The following ZNF248 variants were observed in gnomAD, a reference collection of about 807,000 sequenced individuals.
ZNF248 encodes zinc finger protein 248.
Under a neutral mutation model 44.3 loss-of-function variants are expected in ZNF248, and 20 were observed. The ratio of observed to expected loss-of-function variants is 0.45; its 90% confidence interval spans 0.32 to 0.66. The LOEUF is 0.66. ZNF248 is among the 30% of genes least tolerant of loss of function. The pLI is 0.04. For missense variants in ZNF248, 654 were observed against 677.0 expected (o/e 0.97, Z 0.38); for synonymous variants, 224 against 229.0 (o/e 0.98, Z 0.20).
intron 6 of ZNF248, among the ~76,000 whole-genome samples, chr10:37,801,284 G>A (rs1028330969): frequency 4.0e-5 from 6 of 151,842 alleles, no homozygotes; most frequent in African/African-American, 1.4e-4. Flanking sequence ...GCTGAGGCAC[G>A]AGAATCCCTT....
intron 6 of ZNF248, among the ~76,000 whole-genome samples, chr10:37,813,751 C>A (rs1453261327): frequency 1.3e-5 from 2 of 152,082 alleles, no homozygotes; most frequent in South Asian, 2.1e-4. Context: ...AAGTTATGTG[C>A]GTGTGCATGT....
intron 6 of ZNF248, among the ~76,000 whole-genome samples, chr10:37,777,843 T>C (rs2046776513): frequency 6.6e-6 from 1 of 152,132 alleles, no homozygotes; most frequent in South Asian, 2.1e-4. Context: ...ATTTCATCCA[T>C]TTCCCTACAA....
chr10:37,798,932 A>G (rs1292580555), intron 6 of ZNF248, among the ~76,000 whole-genome samples: 3 of 152,148 alleles, frequency 2.0e-5, no homozygotes, highest in Non-Finnish European at 4.4e-5. Context: ...AAAATAAATC[A>G]TCACAGTTTG....
intron 4 of ZNF248, 71 bp from the exon 5 acceptor site, chr10:37,837,783 GA>G: frequency 6.9e-7 from 1 of 1,448,886 alleles, no homozygotes. Flanking sequence ...ACATCATGGG[GA>G]AGAAAGGCAC....
At chr10:37,823,794 G>T (rs1280445391), downstream of ZNF248, among the ~76,000 whole-genome samples, 1 of 151,978 alleles carries the variant, frequency 6.6e-6, no homozygotes. Flanking sequence ...GGCTGGTCTT[G>T]AACTCCTGAC....
At chr10:37,796,521 T>C (rs2133149894) in intron 6 of ZNF248, among the ~76,000 whole-genome samples, 1 of 152,164 alleles carries the variant, frequency 6.6e-6, no homozygotes, top group African/African-American at 2.4e-5. Context: ...ACCTGGCAAA[T>C]CTTTAATACT....
In ZNF248 at chr10:37,832,683, A is replaced by G. The variant is rs375295764; in HGVS notation, c.672T>C (p.His224=). Residue 224 remains histidine (H), a synonymous_variant, in exon 6 of 6, where the codon CAT becomes CAC. Coordinates refer to ENST00000395867, the MANE Select transcript of ZNF248 (RefSeq NM_021045.3). ...FEYSKNGQGF[H]DEAAFFTNKR... ...TATTTGTAAAAAATGCTGCCTCATC[A>G]TGGAAGCCTTGTCCATTTTTACTAT... 92 of 1,613,350 alleles carry G rather than the reference A, an allele frequency of 5.7e-5. No homozygotes were observed. Among genetic ancestry groups the G allele is most frequent in the Non-Finnish European group, 7.4e-5 (87 of 1,179,884 alleles).
chr10:37,804,438 T>G (rs1372729694), intron 6 of ZNF248, among the ~76,000 whole-genome samples: 1 of 151,862 alleles, frequency 6.6e-6, no homozygotes, highest in Non-Finnish European at 1.5e-5. Flanking sequence ...ATGTATTTAT[T>G]TATTTCTTTA....
At chr10:37,779,688 TA>T (rs1453315273) in intron 6 of ZNF248, among the ~76,000 whole-genome samples, 2 of 151,636 alleles carry the variant, frequency 1.3e-5, no homozygotes, top group African/African-American at 4.9e-5. Flanking sequence ...GAGAAGAAAA[TA>T]AAGGGTATTC....
intron 3 of ZNF248, among the ~76,000 whole-genome samples, chr10:37,845,707 A>G (rs2134435710): frequency 6.6e-6 from 1 of 152,120 alleles, no homozygotes; most frequent in South Asian, 2.1e-4. Flanking sequence ...AACTATGAAA[A>G]GGCAGGAAGG....
chr10:37,766,347 G>A, the ZNF248 span, among the ~76,000 whole-genome samples: 7 of 152,212 alleles, frequency 4.6e-5, no homozygotes, highest in Non-Finnish European at 1.0e-4. Flanking sequence ...ATCTAACTGG[G>A]AGGCACCCTC....
chr10:37,828,700 A>G, downstream of ZNF248: 1 of 985,444 alleles, frequency 1.0e-6, no homozygotes, highest in South Asian at 4.7e-5. Flanking sequence ...GTCATAACAC[A>G]TATTTAAGTA....
the ZNF248 span, among the ~76,000 whole-genome samples, chr10:37,764,097 C>A: frequency 6.6e-6 from 1 of 152,184 alleles, no homozygotes; most frequent in Non-Finnish European, 1.5e-5. Context: ...GGAACAGAGC[C>A]ATATTTCTCT....
At chr10:37,775,528 T>C (rs941406595), downstream of ZNF248, 1 of 152,166 alleles carries the variant, frequency 6.6e-6, no homozygotes, top group Non-Finnish European at 1.5e-5. Flanking sequence ...AAAGTTTCTT[T>C]GGCCCTTGAG....
At chr10:37,814,120 T>C in intron 6 of ZNF248, among the ~76,000 whole-genome samples, 1 of 152,318 alleles carries the variant, frequency 6.6e-6, no homozygotes, top group East Asian at 1.9e-4. Context: ...TCTTTTCTTT[T>C]TAGTAGATTT....
At chr10:37,803,503 T>C (rs2050091712) in intron 6 of ZNF248, 1 of 152,214 alleles carries the variant, frequency 6.6e-6, no homozygotes, top group Non-Finnish European at 1.5e-5. Flanking sequence ...CATCACCAAG[T>C]GTTATTTAAC....
At chr10:37,797,645 A>T (rs116618219) in intron 6 of ZNF248, among the ~76,000 whole-genome samples, 1,608 of 152,272 alleles carry the variant, frequency 0.011, 26 homozygotes, top group South Asian at 0.06. Context: ...CAGGCAAAGG[A>T]TATGAATAGA....
chr10:37,838,181 A>C, intron 3 of ZNF248, 70 bp from the exon 4 acceptor site: 2 of 1,441,512 alleles, frequency 1.4e-6, no homozygotes, highest in Non-Finnish European at 1.9e-6. Context: ...TAAGAGAACT[A>C]ATCTCTTTAG....
the ZNF248 span, among the ~76,000 whole-genome samples, chr10:37,764,437 G>A: frequency 4.6e-5 from 7 of 151,980 alleles, no homozygotes; most frequent in East Asian, 3.9e-4. Flanking sequence ...CTGTGATTTC[G>A]CCCTGCCTCC....
Sources: allele counts gnomAD v4.1 joint callset (sites outside exome capture counted in the v4.1 genomes callset), GRCh38; gene constraint gnomAD v4.1.1; transcripts MANE v1.5; gene names NCBI Gene and HGNC (gene_info 2026-07-23, HGNC 2026-07-21).